Variants in PARVB observed in about 807,000 individuals in gnomAD.
PARVB encodes parvin beta, also known as beta-parvin.
In PARVB, 46 loss-of-function variants were observed where a neutral mutation model predicts 47.0. That is an observed-to-expected ratio of 0.98 (90% CI 0.77 to 1.25). The LOEUF (loss-of-function observed/expected upper bound fraction) is 1.25, where lower values mean the gene tolerates loss of function less well. Ranked by LOEUF, PARVB falls within the 50% of genes most tolerant of loss-of-function variation. The pLI is 0.00. For synonymous variants in PARVB, 196 were observed against 196.3 expected, an observed-to-expected ratio of 1.00 and a Z score of 0.01; for missense variants, 473 against 471.6, an observed-to-expected ratio of 1.00 and a Z score of -0.03.
At chr22:44,095,523 A>G (rs951839632) in intron 2 of PARVB, among the ~76,000 whole-genome samples, 34 of 152,090 alleles carry the variant, frequency 2.2e-4, no homozygotes, top group Non-Finnish European at 4.0e-4. Flanking sequence ...AAAAAAAGAA[A>G]AAAAGAAAAT....
chr22:44,075,086 G>T (rs1269675107), intron 1 of PARVB, among the ~76,000 whole-genome samples: 2 of 152,126 alleles, frequency 1.3e-5, no homozygotes, highest in African/African-American at 4.8e-5. Context: ...ATGCCACTAC[G>T]TACCCTCCCA....
At chr22:44,101,309 T>C (rs1264135431) in intron 3 of PARVB, among the ~76,000 whole-genome samples, 5 of 151,396 alleles carry the variant, frequency 3.3e-5, no homozygotes, top group Non-Finnish European at 7.4e-5. Context: ...CTCAAAAGGC[T>C]GAGGCAGGAG....
rs537152111 is a variant in PARVB at position 44,172,541 on chromosome 22, C to T, written c.*3863C>T. On this transcript the variant is annotated 3_prime_UTR_variant, in exon 13 of 13. Coordinates refer to ENST00000338758, the MANE Select transcript of PARVB (RefSeq NM_013327.5). Reference sequence around the variant, plus strand: ...CAACCCACACCAGCTAGGGGAGCCTCCCGCAGCTTCAGTTCCCCTTTGACG... The same window carrying T: ...CAACCCACACCAGCTAGGGGAGCCTTCCGCAGCTTCAGTTCCCCTTTGACG... 1 of 169,588 alleles carries T rather than the reference C, an allele frequency of 5.9e-6. No individual in the cohort carries two copies. The highest frequency in any genetic ancestry group is 5.5e-5 in the Admixed American group (1 of 18,196). 10.5% of individuals were successfully genotyped at this position (169,588 alleles called of 1,614,324 possible). A position where few individuals can be genotyped will look rare whatever the true frequency, so the allele number is the denominator to read the frequency against.
At chr22:44,082,498 G>A (rs945315685) in intron 1 of PARVB, among the ~76,000 whole-genome samples, 3 of 152,074 alleles carry the variant, frequency 2.0e-5, no homozygotes, top group African/African-American at 7.2e-5. Flanking sequence ...CAGCCTGGGC[G>A]ACAGAGCAAG....
intron 3 of PARVB, chr22:44,115,253 G>A (rs1465526316): frequency 1.4e-5 from 1 of 72,996 alleles, no homozygotes; most frequent in African/African-American, 7.0e-5. Flanking sequence ...CACCAACACA[G>A]ATACATTGTT....
In PARVB at chr22:44,006,354, C is replaced by T. The variant is rs138530987; in HGVS notation, c.211+6681C>T. On this transcript the variant is annotated intron_variant, in intron 2 of 13. Transcript: ENST00000406477. ...GAAATGCAGAGTCCTGGCCAGATGC[C>T]GTGTCTCATGCCTGTAATCCCAGCA... Among the ~76,000 whole-genome samples the T allele has an allele frequency of 2.4e-3, 362 of 152,314 alleles. 4 individuals carry two copies. Among genetic ancestry groups the T allele is most frequent in the African/African-American group, 8.4e-3 (349 of 41,560 alleles).
intron 10 of PARVB, among the ~76,000 whole-genome samples, chr22:44,154,793 G>A (rs1426528313): frequency 6.8e-6 from 1 of 147,832 alleles, no homozygotes; most frequent in Non-Finnish European, 1.5e-5. Flanking sequence ...TCTGTGTGGT[G>A]TGATGTGTGT....
chr22:44,100,847 T>C (rs1180958026), intron 3 of PARVB, among the ~76,000 whole-genome samples: 5 of 152,166 alleles, frequency 3.3e-5, no homozygotes, highest in African/African-American at 1.2e-4. Flanking sequence ...CTGCCTGACC[T>C]TGGTGAACCC....
At chr22:44,051,323 C>T (rs1179071624) in intron 1 of PARVB, among the ~76,000 whole-genome samples, 1 of 152,164 alleles carries the variant, frequency 6.6e-6, no homozygotes, top group Non-Finnish European at 1.5e-5. Flanking sequence ...TTTGTAGGCG[C>T]TGGGGGGATT....
chr22:44,115,138 C>A (rs2052845858), intron 3 of PARVB: 1 of 70,368 alleles, frequency 1.4e-5, no homozygotes. Context: ...CCTGCACCAA[C>A]ACAGATACAC....
At chr22:44,028,955 G>A (rs2050777808) in intron 1 of PARVB, among the ~76,000 whole-genome samples, 1 of 152,046 alleles carries the variant, frequency 6.6e-6, no homozygotes, top group South Asian at 2.1e-4. Flanking sequence ...GTCTATTAAG[G>A]TCATTGGCTC....
intron 4 of PARVB, among the ~76,000 whole-genome samples, chr22:44,131,035 T>TACTCCCTC: frequency 2.9e-5 from 1 of 34,340 alleles, no homozygotes; most frequent in Non-Finnish European, 6.2e-5. Context: ...TCTCTCCCCT[T>TACTCCCTC]CCTCCCTCCC....
At chr22:44,165,036 A>G (rs899983544) in intron 12 of PARVB, among the ~76,000 whole-genome samples, 2 of 152,126 alleles carry the variant, frequency 1.3e-5, no homozygotes, top group African/African-American at 4.8e-5. Context: ...TCTGTTGCCC[A>G]GGCTGGAGTG....
chr22:44,010,374 T>G (rs1003640057), intron 2 of PARVB: 7 of 152,342 alleles, frequency 4.6e-5, no homozygotes, highest in African/African-American at 1.7e-4. Context: ...TAATGTTCCC[T>G]GGGGCGGCTG....
At chr22:44,120,994 C>A (rs763708485) in intron 4 of PARVB, among the ~76,000 whole-genome samples, 1 of 152,070 alleles carries the variant, frequency 6.6e-6, no homozygotes, top group Non-Finnish European at 1.5e-5. Flanking sequence ...CAGGCACATA[C>A]CACCATGCCC....
intron 1 of PARVB, among the ~76,000 whole-genome samples, chr22:44,071,542 T>C (rs1202853947): frequency 6.6e-6 from 1 of 152,130 alleles, no homozygotes; most frequent in Non-Finnish European, 1.5e-5. Flanking sequence ...ACCCCCTCCA[T>C]TGTGGGCTAC....
chr22:44,100,183 T>TACAGGATAGAGTGCAA, intron 3 of PARVB, 60 bp downstream of exon 3: 1 of 1,339,200 alleles, frequency 7.5e-7, no homozygotes, highest in Non-Finnish European at 1.1e-6. Flanking sequence ...GCTTTGGGGT[T>TACAGGATAGAGTGCAA]CAGGGCTCTC....
intron 8 of PARVB, chr22:44,141,129 G>A (rs1454592154): frequency 1.3e-5 from 2 of 157,074 alleles, no homozygotes; most frequent in Admixed American, 1.2e-4. Flanking sequence ...GCCACCCCCT[G>A]AGTCCTATAC....
At chr22:44,149,629 G>C (rs533717533) in intron 9 of PARVB, 1 of 152,360 alleles carries the variant, frequency 6.6e-6, no homozygotes, top group East Asian at 1.9e-4. Flanking sequence ...TCTTAACGGG[G>C]GTCCGCACAC....
Sources: gnomAD v4.1 joint callset for allele counts (sites outside exome capture counted in the v4.1 genomes callset) on GRCh38, gnomAD v4.1.1 for gene constraint, MANE v1.5 for transcripts, NCBI Gene and HGNC (gene_info 2026-07-23, HGNC 2026-07-21) for gene names.